DAPK2: variants seen among roughly 807,000 people sequenced by gnomAD.
DAPK2 encodes the protein death associated protein kinase 2, also known as death-associated protein kinase 2.
A neutral mutation model predicts 44.1 loss-of-function variants in DAPK2; 35 were observed. The observed-to-expected ratio is 0.79, with a 90% confidence interval of 0.61 to 1.05. The LOEUF (loss-of-function observed/expected upper bound fraction) is 1.05, where lower values mean the gene tolerates loss of function less well. DAPK2 is among the 50% of genes least tolerant of loss of function. DAPK2 has a pLI of 0.00. For synonymous variants in DAPK2, 174 were observed against 182.6 expected (o/e 0.95, Z 0.38); for missense variants, 453 against 483.2 (o/e 0.94, Z 0.59).
At chr15:64,024,927 G>T (rs1464717042) in intron 1 of DAPK2, among the ~76,000 whole-genome samples, 1 of 152,168 alleles carries the variant, frequency 6.6e-6, no homozygotes, top group Non-Finnish European at 1.5e-5. Context: ...AGGGTCCTAA[G>T]GCCTCAGGGT....
chr15:63,964,290 G>T (rs2077991443), intron 3 of DAPK2, among the ~76,000 whole-genome samples: 1 of 152,166 alleles, frequency 6.6e-6, no homozygotes, highest in South Asian at 2.1e-4. Context: ...TGGCCTATAA[G>T]GTTTCCACTA....
In DAPK2 at chr15:63,971,576, C is replaced by G. The variant is rs368355225; in HGVS notation, c.315-15G>C. The G allele has an allele frequency of 3.1e-6, 5 of 1,612,940 alleles. No individual in the cohort carries two copies. The highest frequency in any genetic ancestry group is 2.5e-6 in the Non-Finnish European group (3 of 1,179,406). ...CTCCAGACACTCTGTAAAACACCAG[C>G]GGGGGGAGGGGAGGCCCAGGCCCAG... is the stretch of plus-strand genomic sequence containing the variant. On this transcript the variant is annotated splice_polypyrimidine_tract_variant and intron_variant, in intron 2 of 10. Transcript: ENST00000261891.
intron 2 of DAPK2, among the ~76,000 whole-genome samples, chr15:63,982,676 G>C (rs1223563256): frequency 6.6e-6 from 1 of 152,146 alleles, no homozygotes; most frequent in African/African-American, 2.4e-5. Context: ...GTCTTCCTCT[G>C]CTAAGCCAGC....
rs561094933 is a variant in DAPK2, at chr15:63,922,143, T to C, written c.858+2673A>G. The C allele has an allele frequency of 2.6e-5, 6 of 229,270 alleles. No individual in the cohort carries two copies. The South Asian group carries it at 8.0e-4, about 30-fold the overall frequency. 14.2% of individuals were successfully genotyped at this position (229,270 alleles called of 1,614,324 possible). A position where few individuals can be genotyped will look rare whatever the true frequency, so the allele number is the denominator to read the frequency against. On this transcript the variant is annotated intron_variant, in intron 8 of 10. Transcript: ENST00000261891. ...AATTTTCTCATCAGTTACATGTAAATAATAATAATAATAATGCCACCCACC... is the reference window on the plus strand; with the variant it reads ...AATTTTCTCATCAGTTACATGTAAACAATAATAATAATAATGCCACCCACC...
rs1476074585 is a variant in DAPK2, at chr15:63,983,846, G to C, written c.93-92C>G. 3.1e-6 allele frequency: 4 copies of C among 1,273,342 alleles called. No individual in the cohort carries two copies. In the East Asian group the frequency reaches 1.0e-4, roughly 32 times the overall value. The allele number at this position is 1,273,342 out of a possible 1,614,324, so 78.9% of individuals were successfully genotyped here. A position where few individuals can be genotyped will look rare whatever the true frequency, so the allele number is the denominator to read the frequency against. On this transcript the variant is annotated intron_variant, in intron 1 of 10. Coordinates refer to ENST00000261891, the Ensembl canonical transcript of DAPK2. ...AGCTACCAGGTCACACAAATTCAGA[G>C]TGATTCTGCCAGGACAGGACAAATC... is the stretch of plus-strand genomic sequence containing the variant.
intron 5 of DAPK2, 128 bp downstream of exon 6, chr15:63,930,279 A>G: frequency 2.1e-6 from 2 of 949,912 alleles, no homozygotes; most frequent in Non-Finnish European, 3.4e-6. Context: ...GGGAGCAGCC[A>G]GAGGCTCTGA....
chr15:64,008,573 A>G (rs560905242), intron 1 of DAPK2, among the ~76,000 whole-genome samples: 108 of 152,380 alleles, frequency 7.1e-4, no homozygotes, highest in Non-Finnish European at 1.4e-3. Context: ...AGCTTTGGCA[A>G]TCAGATGTTC....
At chr15:63,950,346 G>T (rs1053282489) in intron 3 of DAPK2, among the ~76,000 whole-genome samples, 1 of 151,942 alleles carries the variant, frequency 6.6e-6, no homozygotes, top group Admixed American at 6.6e-5. Flanking sequence ...CTCTTGAATA[G>T]CTGGGCCTAC....
intron 1 of DAPK2, among the ~76,000 whole-genome samples, chr15:64,021,132 G>A (rs2079669753): frequency 6.6e-6 from 1 of 152,154 alleles, no homozygotes. Context: ...GTAGAGATCA[G>A]ACCCTACCCA....
intron 1 of DAPK2, among the ~76,000 whole-genome samples, chr15:64,036,329 A>AT (rs1567290207): frequency 6.5e-5 from 8 of 123,244 alleles, no homozygotes; most frequent in Admixed American, 3.7e-4. Flanking sequence ...GTATATATAT[A>AT]TATATATACA....
At chr15:63,911,551 G>T in intron 10 of DAPK2, 1 of 278,986 alleles carries the variant, frequency 3.6e-6, no homozygotes, top group African/African-American at 2.2e-5. Flanking sequence ...ATGGAAAAAA[G>T]AATGTAAAGC....
At chr15:64,024,846 G>A (rs986226617) in intron 1 of DAPK2, among the ~76,000 whole-genome samples, 3 of 152,194 alleles carry the variant, frequency 2.0e-5, no homozygotes, top group Non-Finnish European at 2.9e-5. Flanking sequence ...CCCAATGAGG[G>A]AAGGATATTT....
intron 1 of DAPK2, among the ~76,000 whole-genome samples, chr15:64,003,277 C>G (rs540786495): frequency 2.0e-5 from 3 of 152,162 alleles, no homozygotes; most frequent in Non-Finnish European, 4.4e-5. Flanking sequence ...GATTCTGTCC[C>G]TTTTCAGCGG....
chr15:64,027,069 C>T (rs2079868637), intron 1 of DAPK2, among the ~76,000 whole-genome samples: 1 of 152,082 alleles, frequency 6.6e-6, no homozygotes. Context: ...CATGACAAAA[C>T]CCTGTCTCTA....
At chr15:63,910,928 T>C (rs937718037) in intron 10 of DAPK2, 1 of 152,214 alleles carries the variant, frequency 6.6e-6, no homozygotes, top group African/African-American at 2.4e-5. Flanking sequence ...TTTAAGAATA[T>C]GTCATTATTG....
chr15:64,038,205 G>A (rs2080260298), intron 1 of DAPK2, among the ~76,000 whole-genome samples: 1 of 152,134 alleles, frequency 6.6e-6, no homozygotes, highest in African/African-American at 2.4e-5. Flanking sequence ...GAATGCCCTT[G>A]TTAGCATGTA....
chr15:63,961,335 C>T (rs892620087), intron 3 of DAPK2, among the ~76,000 whole-genome samples: 4 of 152,112 alleles, frequency 2.6e-5, no homozygotes, highest in African/African-American at 9.7e-5. Context: ...GCATTTAGCC[C>T]ATTTACATTT....
In DAPK2 at chr15:63,923,168, C is replaced by T. The variant is rs897211751; in HGVS notation, c.858+1648G>A. The T allele has an allele frequency of 1.3e-6, 2 of 1,535,726 alleles. No individual in the cohort carries two copies. The highest frequency in any genetic ancestry group is 1.7e-6 in the Non-Finnish European group (2 of 1,146,744). On this transcript the variant is annotated intron_variant, in intron 8 of 10. Coordinates refer to ENST00000261891, the Ensembl canonical transcript of DAPK2. This position sits in a 1 kb window ranked among gnomAD's most constrained non-coding sequence, Gnocchi z 4.2. Reference sequence around the variant, plus strand: ...GTGGGCCTCCACCAGGGCACGGCATCCCAGGTCGACCCGAGCCACGTCTTC... The same window carrying T: ...GTGGGCCTCCACCAGGGCACGGCATTCCAGGTCGACCCGAGCCACGTCTTC...
intron 1 of DAPK2, among the ~76,000 whole-genome samples, chr15:64,038,275 T>C (rs28694389): frequency 0.54 from 82,059 of 152,004 alleles, 23,192 homozygotes; most frequent in East Asian, 0.77. Context: ...CTCGTCTTTG[T>C]ACCCACAGTA....
Sources: allele counts gnomAD v4.1 joint callset (sites outside exome capture counted in the v4.1 genomes callset), GRCh38; gene constraint gnomAD v4.1.1; non-coding constraint Gnocchi (gnomAD v3.1); transcripts MANE v1.5; gene names NCBI Gene and HGNC (gene_info 2026-07-23, HGNC 2026-07-21).